Variants in COMMD1 observed in about 807,000 individuals in gnomAD.
COMMD1 encodes the protein COMM domain-containing protein 1.
A neutral mutation model predicts 17.2 loss-of-function variants in COMMD1; 10 were observed. That is an observed-to-expected ratio of 0.58 (90% CI 0.36 to 0.99). The LOEUF (loss-of-function observed/expected upper bound fraction) is 0.99. COMMD1 is among the 50% of genes least tolerant of loss of function. The probability of loss-of-function intolerance (pLI) is 0.01; values close to 1 mark genes in which losing one functional copy is unlikely to be tolerated. For synonymous variants in COMMD1, 97 were observed against 91.6 expected (o/e 1.06, Z -0.34); for missense variants, 270 against 231.8 (o/e 1.17, Z -1.07).
chr2:62,083,039 G>T (rs1671569140), intron 2 of COMMD1, among the ~76,000 whole-genome samples: 1 of 152,092 alleles, frequency 6.6e-6, no homozygotes, highest in Non-Finnish European at 1.5e-5. Context: ...CAGGAAAATG[G>T]CTTGAGCCCA....
chr2:62,074,983 G>A (rs1415729908), intron 2 of COMMD1, among the ~76,000 whole-genome samples: 1 of 145,648 alleles, frequency 6.9e-6, no homozygotes, highest in Non-Finnish European at 1.5e-5. Flanking sequence ...ACTGCCTCCC[G>A]GGTTCAAGCG....
chr2:62,079,582 C>A (rs1424002970), intron 2 of COMMD1: 1 of 152,542 alleles, frequency 6.6e-6, no homozygotes, highest in South Asian at 2.0e-4. Context: ...TGGAGTTGCT[C>A]TGGTTTGAAC....
upstream of COMMD1, among the ~76,000 whole-genome samples, chr2:61,901,198 C>T (rs879315309): frequency 4.6e-5 from 7 of 151,792 alleles, no homozygotes; most frequent in East Asian, 1.9e-4. Context: ...CTGCCTGCCT[C>T]GGCCTCCCAA....
At chr2:62,086,123 A>C (rs1671662004) in intron 2 of COMMD1, among the ~76,000 whole-genome samples, 1 of 152,190 alleles carries the variant, frequency 6.6e-6, no homozygotes. Flanking sequence ...TGGAGGCTGC[A>C]GTGAGCCATG....
chr2:62,025,135 G>A (rs1385378713), intron 2 of COMMD1, among the ~76,000 whole-genome samples: 1 of 152,046 alleles, frequency 6.6e-6, no homozygotes, highest in African/African-American at 2.4e-5. Context: ...CAAGAGAATC[G>A]CTTCAACCCG....
At chr2:61,916,093 C>T (rs955878267) in intron 1 of COMMD1, among the ~76,000 whole-genome samples, 2 of 151,778 alleles carry the variant, frequency 1.3e-5, no homozygotes, top group African/African-American at 2.4e-5. Context: ...ACCTGAACCT[C>T]GATCTACAGG....
chr2:61,932,184 CTTAA>C (rs1558525988), intron 1 of COMMD1, among the ~76,000 whole-genome samples: 2 of 152,208 alleles, frequency 1.3e-5, no homozygotes, highest in African/African-American at 4.8e-5. Flanking sequence ...TGCTTACATT[CTTAA>C]TTATTCTCTA....
At chr2:61,914,128 C>T (rs955339653) in intron 1 of COMMD1, among the ~76,000 whole-genome samples, 12 of 151,792 alleles carry the variant, frequency 7.9e-5, no homozygotes, top group Admixed American at 2.0e-4. Flanking sequence ...GCGGAGATTG[C>T]GCCACTGCAC....
intron 2 of COMMD1, among the ~76,000 whole-genome samples, chr2:62,025,001 C>A: frequency 6.6e-6 from 1 of 152,120 alleles, no homozygotes; most frequent in East Asian, 1.9e-4. Flanking sequence ...CTGAGGCGGG[C>A]AGATCACCTG....
At position 61,971,609 on chromosome 2, in the gene COMMD1, C is replaced by T. The variant is rs538472905; in HGVS notation, c.181-29092C>T. 9.9e-5 allele frequency among the ~76,000 whole-genome samples: 15 copies of T among 152,090 alleles called. 1 individual carries two copies. The South Asian group carries it at 2.9e-3, about 29-fold the overall frequency. On this transcript the variant is annotated intron_variant, in intron 1 of 2. Transcript: ENST00000311832. ...ATTAATCAGATTATTTGAAGAGAAG[C>T]CTCATGATATCCCACAGTTGTCCAG... is the stretch of plus-strand genomic sequence containing the variant.
chr2:61,948,230 T>A (rs1247408045), intron 1 of COMMD1, among the ~76,000 whole-genome samples: 1 of 152,266 alleles, frequency 6.6e-6, no homozygotes, highest in Non-Finnish European at 1.5e-5. Context: ...CACCTTTGCC[T>A]CCCAAGTAGC....
At chr2:62,113,245 A>C (rs1672502211) in intron 2 of COMMD1, among the ~76,000 whole-genome samples, 1 of 152,052 alleles carries the variant, frequency 6.6e-6, no homozygotes, top group Non-Finnish European at 1.5e-5. Context: ...CTAGCTACTC[A>C]GGAGGCTGAG....
intron 1 of COMMD1, among the ~76,000 whole-genome samples, chr2:61,891,141 A>G (rs1488889208): frequency 6.6e-6 from 1 of 152,206 alleles, no homozygotes; most frequent in Non-Finnish European, 1.5e-5. Context: ...GGGTTGAACT[A>G]GATGATCTCT....
At chr2:62,007,678 T>C (rs1669158879) in intron 2 of COMMD1, among the ~76,000 whole-genome samples, 2 of 152,192 alleles carry the variant, frequency 1.3e-5, no homozygotes, top group Admixed American at 1.3e-4. Flanking sequence ...CTAGAAGCAA[T>C]AGGCTATACC....
intron 2 of COMMD1, among the ~76,000 whole-genome samples, chr2:62,091,043 T>C (rs1671812177): frequency 6.6e-6 from 1 of 152,216 alleles, no homozygotes; most frequent in Admixed American, 6.5e-5. Context: ...GGTGTTTGGA[T>C]TGTGCCTCAG....
At position 62,049,125 on chromosome 2, in the gene COMMD1, C is replaced by G. The variant is rs185979917; in HGVS notation, c.462+48143C>G. Among the ~76,000 whole-genome samples, 167 of 151,324 alleles carry G rather than the reference C, an allele frequency of 1.1e-3. 2 individuals are homozygous for G. Among genetic ancestry groups the G allele is most frequent in the African/African-American group, 4.0e-3 (164 of 41,216 alleles). On this transcript the variant is annotated intron_variant, in intron 2 of 2. Transcript: ENST00000311832. Reference sequence around the variant, plus strand: ...TTGAATAATAATTAATTGCCCAATACTAAGGATATGGTATCTACATATTTT... The same window carrying G: ...TTGAATAATAATTAATTGCCCAATAGTAAGGATATGGTATCTACATATTTT...
intron 1 of COMMD1, among the ~76,000 whole-genome samples, chr2:61,993,786 G>C (rs1375419416): frequency 6.6e-6 from 1 of 152,090 alleles, no homozygotes; most frequent in African/African-American, 2.4e-5. Flanking sequence ...AGATATTATT[G>C]ACTGGAACCC....
At chr2:62,037,061 G>A (rs746163989) in intron 2 of COMMD1, among the ~76,000 whole-genome samples, 1 of 152,192 alleles carries the variant, frequency 6.6e-6, no homozygotes, top group Non-Finnish European at 1.5e-5. Flanking sequence ...TCCATCAACA[G>A]TGTATGCTCT....
intron 1 of COMMD1, among the ~76,000 whole-genome samples, chr2:61,920,041 A>G (rs144445108): frequency 1.8e-3 from 272 of 152,308 alleles, no homozygotes; most frequent in African/African-American, 5.7e-3. Flanking sequence ...GAGGCCAAGG[A>G]TCACTTGAGC....
Sources: allele counts gnomAD v4.1 joint callset (sites outside exome capture counted in the v4.1 genomes callset), GRCh38; gene constraint gnomAD v4.1.1; transcripts MANE v1.5; gene names NCBI Gene and HGNC (gene_info 2026-07-23, HGNC 2026-07-21).